The following VPS51 variants were observed in gnomAD, a reference collection of about 807,000 sequenced individuals.
VPS51 encodes the protein vacuolar protein sorting-associated protein 51 homolog.
In VPS51, 55 loss-of-function variants were observed where a neutral mutation model predicts 65.1. That is an observed-to-expected ratio of 0.84 (90% CI 0.68 to 1.06). The LOEUF (loss-of-function observed/expected upper bound fraction) is 1.06, where lower values mean the gene tolerates loss of function less well. Among genes scored for constraint, VPS51 ranks in the 50% least tolerant of loss-of-function variants. The probability of loss-of-function intolerance (pLI) is 0.00; values close to 1 mark genes in which losing one functional copy is unlikely to be tolerated. For synonymous variants in VPS51, 473 were observed against 489.5 expected (o/e 0.97, Z 0.44); for missense variants, 943 against 1,101.6 (o/e 0.86, Z 2.04).
At chr11:65,111,004 G>T in intron 9 of VPS51, 1 of 666,374 alleles carries the variant, frequency 1.5e-6, no homozygotes, top group Non-Finnish European at 2.6e-6. Flanking sequence ...CTGAGTCTGG[G>T]TGCTGACCTG....
rs558418368 is a variant in VPS51, at chr11:65,099,267, G to A, written c.358+2140G>A. ...GAACTAGGTCCTCAGGAAGGAGGGG[G>A]GTGGAACAGAGCAGGGATGGAGGCA... On this transcript the variant is annotated intron_variant, in intron 2 of 9. Coordinates refer to ENST00000279281, the MANE Select transcript of VPS51 (RefSeq NM_013265.4). Among the ~76,000 whole-genome samples the A allele has an allele frequency of 2.6e-5, 4 of 152,268 alleles. No homozygotes were observed. The East Asian group carries it at 7.7e-4, about 29-fold the overall frequency.
chr11:65,111,340 C>T lies in VPS51; in HGVS notation c.2102C>T (p.Thr701Ile). 1 of 1,604,448 alleles carries T rather than the reference C, an allele frequency of 6.2e-7. No individual in the cohort carries two copies. The highest frequency in any genetic ancestry group is 2.2e-5 in the East Asian group (1 of 44,872). ...PVEFNKVSVL[T>I]GIIKISLKTL... ...CCCTGCCTGCAGGTGTCGGTGCTGA[C>T]CGGCATCATCAAGATCAGCCTGAAG... is the stretch of plus-strand genomic sequence containing the variant. The change falls in exon 10 of 10, where the codon ACC becomes ATC. Residue 701 changes from threonine (T) to isoleucine (I), a missense_variant. Coordinates refer to ENST00000279281, the MANE Select transcript of VPS51 (RefSeq NM_013265.4).
chr11:65,110,020 C>T, intron 7 of VPS51, 97 bp downstream of exon 7: 2 of 1,301,098 alleles, frequency 1.5e-6, no homozygotes, highest in Non-Finnish European at 2.1e-6. Flanking sequence ...GCAGTCCCTG[C>T]CTGGAGGAGG....
At position 65,109,830 on chromosome 11, in the gene VPS51, G is replaced by C; in HGVS notation, c.1785G>C (p.Val595=). The change falls in exon 7 of 10, where the codon GTG becomes GTC. Residue 595 remains valine (V), a synonymous_variant. Coordinates refer to ENST00000279281, the MANE Select transcript of VPS51 (RefSeq NM_013265.4). The part of the protein sequence containing the change: ...LVISQMLRKS[V]ETRDWLSTLE... ...TATCACAGATGCTGCGCAAGAGCGTGGAGACTCGCGACTGGCTCAGCACTC... is the reference window on the plus strand; with the variant it reads ...TATCACAGATGCTGCGCAAGAGCGTCGAGACTCGCGACTGGCTCAGCACTC... 1 of 1,611,852 alleles carries C rather than the reference G, an allele frequency of 6.2e-7. No homozygotes were observed.
intron 1 of VPS51, 188 bp downstream of exon 1, chr11:65,096,666 G>T: frequency 1.6e-6 from 1 of 639,428 alleles, no homozygotes; most frequent in Non-Finnish European, 2.7e-6. Flanking sequence ...AGTAGGACTG[G>T]ACTGGCCTGA....
rs1294225927 is a variant in VPS51, at chr11:65,107,998, C to T, written c.701C>T (p.Ala234Val). 5 of 1,544,548 alleles carry T rather than the reference C, an allele frequency of 3.2e-6. No homozygotes were observed. The highest frequency in any genetic ancestry group is 3.7e-5 in the Admixed American group (2 of 53,800). Residue 234 changes from alanine (A) to valine (V), a missense_variant, in exon 4 of 10, where the codon GCC (alanine) becomes GTC (valine). By Grantham distance (64) the Ala-to-Val change is moderately conservative (BLOSUM62 0). Coordinates refer to ENST00000279281, the MANE Select transcript of VPS51 (RefSeq NM_013265.4). The surrounding 1 kb of genome is among the most constrained non-coding windows in gnomAD (Gnocchi z 4.0). ...TGCCAGGTCATCACGGCCCGCCTGG[C>T]CCAGCAGCTGCGGCAGCGCTTTAGG... ...DDCQVITARLAQQLRQRFREG... is the reference protein window; with the variant it reads ...DDCQVITARLVQQLRQRFREG...
At position 65,107,667 on chromosome 11, in the gene VPS51, T is replaced by G. The variant is rs1270139632; in HGVS notation, c.445T>G (p.Phe149Val). ...LATNMAVITDFSARISATLQD... is the reference protein window; with the variant it reads ...LATNMAVITDVSARISATLQD... ...CACCAACATGGCAGTGATCACCGACTTCAGCGCTCGCATCAGCGCCACGCT... is the reference window on the plus strand; with the variant it reads ...CACCAACATGGCAGTGATCACCGACGTCAGCGCTCGCATCAGCGCCACGCT... Residue 149 changes from phenylalanine to valine, a missense_variant, in exon 3 of 10, where the codon TTC becomes GTC. Transcript: ENST00000279281. The surrounding 1 kb of genome is among the most constrained non-coding windows in gnomAD (Gnocchi z 4.0). The G allele has an allele frequency of 1.9e-6, 3 of 1,610,136 alleles. No individual in the cohort carries two copies. Among genetic ancestry groups the G allele is most frequent in the Non-Finnish European group, 2.5e-6 (3 of 1,177,380 alleles).
chr11:65,107,413 GC>G lies in VPS51; in HGVS notation c.359-163del, dbSNP rs1947849448. 1 of 533,362 alleles carries G rather than the reference GC, an allele frequency of 1.9e-6. No homozygotes were observed. The highest frequency in any genetic ancestry group is 3.6e-5 in the East Asian group (1 of 27,660). The allele number at this position is 533,362 out of a possible 1,614,324, so 33.0% of individuals were successfully genotyped here. ...TTTGGGAACATAAACCCCCTCCCCCGCCCCCATGTGCGCTGTGACCCACGCC... is the reference window on the plus strand; with the variant it reads ...TTTGGGAACATAAACCCCCTCCCCCGCCCCATGTGCGCTGTGACCCACGCC... On this transcript the variant is annotated intron_variant, in intron 2 of 9. Transcript: ENST00000279281. The surrounding 1 kb of genome is among the most constrained non-coding windows in gnomAD (Gnocchi z 4.0).
intron 5 of VPS51, 127 bp from the exon 6 acceptor site, chr11:65,109,153 C>T (rs1411980624): frequency 3.4e-6 from 4 of 1,159,954 alleles, no homozygotes; most frequent in Non-Finnish European, 4.8e-6. Flanking sequence ...CTCCGGGGTA[C>T]TTAGAATGTA....
At chr11:65,111,265 C>T in intron 9 of VPS51, 62 bp from the exon 10 acceptor site, 1 of 1,596,762 alleles carries the variant, frequency 6.3e-7, no homozygotes, top group Non-Finnish European at 8.5e-7. Context: ...CTGCTTGGAA[C>T]TTGGGTGTCC....
At chr11:65,103,088 A>C (rs948585880) in intron 2 of VPS51, among the ~76,000 whole-genome samples, 1 of 152,230 alleles carries the variant, frequency 6.6e-6, no homozygotes, top group Non-Finnish European at 1.5e-5. Context: ...CCAGAGTTCA[A>C]GGCTGCAGTA....
intron 9 of VPS51, 131 bp downstream of exon 9, chr11:65,110,912 C>A: frequency 9.0e-7 from 1 of 1,111,502 alleles, no homozygotes; most frequent in Non-Finnish European, 1.3e-6. Flanking sequence ...CAGTCTCTGT[C>A]TCTAGGGCTG....
chr11:65,096,512 A>AGGGGGGGGGGGGGGGGT, intron 1 of VPS51, 34 bp downstream of exon 1: 5 of 440,848 alleles, frequency 1.1e-5, no homozygotes, highest in East Asian at 5.2e-5. Flanking sequence ...GGGTGCGGGG[A>AGGGGGGGGGGGGGGGGT]GGGGGGAAGG....
In VPS51 at chr11:65,096,340, G is replaced by A. The variant is rs1030120733; in HGVS notation, c.90G>A (p.Arg30=). 3 of 1,520,016 alleles carry A rather than the reference G, an allele frequency of 2.0e-6. No homozygotes were observed. The highest frequency in any genetic ancestry group is 1.8e-6 in the Non-Finnish European group (2 of 1,140,342). The allele number at this position is 1,520,016 out of a possible 1,614,324, so 94.2% of individuals were successfully genotyped here. A position where few individuals can be genotyped will look rare whatever the true frequency, so the allele number is the denominator to read the frequency against. The change falls in exon 1 of 10, where the codon CGG becomes CGA. Residue 30 remains arginine (R), a synonymous_variant. Transcript: ENST00000279281. ...EGPEGEAPER[R]RKAHGMLKLY... ...CCGAGGGGGAGGCTCCGGAGCGTCGGCGGAAGGCGCACGGGATGCTGAAGC... is the reference window on the plus strand; with the variant it reads ...CCGAGGGGGAGGCTCCGGAGCGTCGACGGAAGGCGCACGGGATGCTGAAGC...
Position 65,110,600 on chromosome 11 carries a change from C to T in VPS51, c.1997C>T (p.Pro666Leu). 1.2e-6 allele frequency: 2 copies of T among 1,614,056 alleles called. No homozygotes were observed. Among genetic ancestry groups the T allele is most frequent in the South Asian group, 1.1e-5 (1 of 91,082 alleles). Residue 666 changes from proline to leucine, a missense_variant, in exon 8 of 10, where the codon CCC (proline) becomes CTC (leucine). By Grantham distance (98) the Pro-to-Leu change is moderately conservative. Around this residue, in one of 2 missense-constraint regions of VPS51, gnomAD observed 855 missense variants for 953.7 expected, o/e 0.90. Transcript: ENST00000279281. The stretch of plus-strand genomic sequence containing the variant: ...GGCCGCTACGCCCCCAGCTATACCC[C>T]CAGGTCTGGCTGGTCAGGGGAGCCC... ...QQGRYAPSYTPSAPMDTNLLS... is the reference protein window; with the variant it reads ...QQGRYAPSYTLSAPMDTNLLS...
chr11:65,108,255 G>A lies in VPS51; in HGVS notation c.784G>A (p.Gly262Ser). The A allele has an allele frequency of 6.3e-7, 1 of 1,598,592 alleles. No homozygotes were observed. The highest frequency in any genetic ancestry group is 1.3e-5 in the African/African-American group (1 of 74,794). Residue 262 changes from glycine (G) to serine (S), a missense_variant, in exon 5 of 10, where the codon GGC (glycine) becomes AGC (serine). Gly to Ser is a moderately conservative substitution (Grantham distance 56). Transcript: ENST00000279281. ...AECVELLLAL[G>S]EPAEELCEEF... ...GTGCGTGGAGCTGCTGCTGGCCCTG[G>A]GCGAGCCTGCGGAGGAGCTGTGCGA... is the stretch of plus-strand genomic sequence containing the variant.
At position 65,109,318 on chromosome 11, in the gene VPS51, C is replaced by T. The variant is rs147241001; in HGVS notation, c.1482C>T (p.Ile494=). ...FCSQGVREGL[I]VGFVHSMCQT... is the part of the protein sequence containing the mutation. ...GTCAGGGTGTCCGTGAGGGCCTCATCGTGGGCTTCGTCCACTCTATGTGCC... is the reference window on the plus strand; with the variant it reads ...GTCAGGGTGTCCGTGAGGGCCTCATTGTGGGCTTCGTCCACTCTATGTGCC... Residue 494 remains isoleucine (I), a synonymous_variant, in exon 6 of 10, where the codon ATC becomes ATT. Transcript: ENST00000279281. The T allele has an allele frequency of 5.6e-6, 9 of 1,613,238 alleles. No individual in the cohort carries two copies. The highest frequency in any genetic ancestry group is 4.5e-5 in the East Asian group (2 of 44,856).
intron 2 of VPS51, among the ~76,000 whole-genome samples, chr11:65,104,788 G>A (rs1266497346): frequency 6.6e-6 from 1 of 152,146 alleles, no homozygotes; most frequent in Admixed American, 6.5e-5. Context: ...TCGTTTCTCT[G>A]CTGGGGCAGT....
rs72932836 is a variant in VPS51 at position 65,108,918 on chromosome 11, C to G, written c.1443+4C>G. On this transcript the variant is annotated splice_donor_region_variant and intron_variant, in intron 5 of 9. Coordinates refer to ENST00000279281, the MANE Select transcript of VPS51 (RefSeq NM_013265.4). ...CTCCAACAAGCCCTACTTCCGGGTA[C>G]GCCTCCTCTTGGGTGTTCCTTGTTC... The G allele has an allele frequency of 5.6e-6, 9 of 1,612,626 alleles. No homozygotes were observed. Among genetic ancestry groups the G allele is most frequent in the Non-Finnish European group, 7.6e-6 (9 of 1,179,806 alleles).
Sources: allele counts gnomAD v4.1 joint callset (sites outside exome capture counted in the v4.1 genomes callset), GRCh38; gene constraint gnomAD v4.1.1; regional missense constraint gnomAD v4.1.1; non-coding constraint Gnocchi (gnomAD v3.1); transcripts MANE v1.5; gene names NCBI Gene and HGNC (gene_info 2026-07-23, HGNC 2026-07-21).